WAS: variants seen among roughly 807,000 people sequenced by gnomAD.
WAS encodes WASP actin nucleation promoting factor.
WAS carries 1 observed loss-of-function variant against 38.9 expected under a neutral mutation model. The observed-to-expected ratio is 0.03, with a 90% CI of 0.01 to 0.12. The LOEUF is 0.12. Ranked by LOEUF, WAS falls within the 10% of genes least tolerant of loss-of-function variation. WAS has a pLI of 1.00. For synonymous variants in WAS, 182 were observed against 173.6 expected, an observed-to-expected ratio of 1.05 and a Z score of -0.38; for missense variants, 311 against 431.2, an observed-to-expected ratio of 0.72 and a Z score of 2.47.
rs782596670 is a variant in WAS at position 48,688,927 on chromosome X, C to T, written c.1199C>T (p.Pro400Leu). 2.9e-5 allele frequency: 34 copies of T among 1,158,536 alleles called. No individual in the cohort carries two copies. Among genetic ancestry groups the T allele is most frequent in the South Asian group, 4.0e-5 (2 of 50,563 alleles). The change falls in exon 10 of 12, where the codon CCG (proline) becomes CTG (leucine). Residue 400 changes from proline to leucine, a missense_variant. Physicochemically the swap from Pro to Leu is moderately conservative, Grantham distance 98. Coordinates refer to ENST00000376701, the MANE Select transcript of WAS (RefSeq NM_000377.3). ...CCCATGCCACCACCACCGCCACCACCGCCACCGCCGCCCAGCTCCGGGAAT... is the reference window on the plus strand; with the variant it reads ...CCCATGCCACCACCACCGCCACCACTGCCACCGCCGCCCAGCTCCGGGAAT... Reference protein sequence around the residue: ...GPPMPPPPPPPPPPPSSGNGP... With the variant: ...GPPMPPPPPPLPPPPSSGNGP...
Position 48,685,748 on chromosome X carries a change from G to T in WAS, c.375G>T (p.Gly125=). ...HTFAGDDCQA[G]LNFADEDEAQ... is the part of the protein sequence containing the mutation. ...GGTATGTGCAGGACTGCCAAGCGGGGCTGAACTTTGCAGACGAGGACGAGG... is the reference window on the plus strand; with the variant it reads ...GGTATGTGCAGGACTGCCAAGCGGGTCTGAACTTTGCAGACGAGGACGAGG... Residue 125 remains glycine, a synonymous_variant, in exon 4 of 12, where the codon GGG becomes GGT. Transcript: ENST00000376701. 1.7e-6 allele frequency: 2 copies of T among 1,179,286 alleles called. No homozygotes were observed. Among genetic ancestry groups the T allele is most frequent in the Non-Finnish European group, 2.3e-6 (2 of 878,454 alleles).
Position 48,684,427 on chromosome X carries a change from A to AC in WAS, c.273+11dup, listed in dbSNP as rs58371799. The stretch of plus-strand genomic sequence containing the variant: ...CATCCGCCTTTACGGCCTTCAGGTG[A>AC]CCCCCCCACCCCCGACTGGACTTGC... On this transcript the variant is annotated splice_donor_region_variant and intron_variant, in intron 2 of 11. Transcript: ENST00000376701. 0.016 allele frequency: 19,442 copies of AC among 1,193,093 alleles called. 123 individuals carry two copies. The highest frequency in any genetic ancestry group is 0.032 in the African/African-American group (1,753 of 55,256).
At position 48,691,143 on chromosome X, in the gene WAS, A is replaced by G; in HGVS notation, c.1490A>G (p.Asp497Gly). 2 of 1,210,816 alleles carry G rather than the reference A, an allele frequency of 1.7e-6. No homozygotes were observed. The highest frequency in any genetic ancestry group is 2.2e-6 in the Non-Finnish European group (2 of 895,264). ...GEDQAGDEDE[D>G]DEWDD ...GACCAGGCTGGCGATGAAGATGAAG[A>G]TGATGAATGGGATGACTGAGTGGCT... Residue 497 changes from aspartate to glycine, a missense_variant, in exon 12 of 12, where the codon GAT becomes GGT. Asp to Gly is a moderately conservative substitution (Grantham distance 94, BLOSUM62 -1). Around this residue, in one of 4 missense-constraint regions of WAS, gnomAD observed 142 missense variants for 157.6 expected, o/e 0.90. Coordinates refer to ENST00000376701, the MANE Select transcript of WAS (RefSeq NM_000377.3).
chrX:48,689,868 G>A lies in WAS; in HGVS notation c.1453+434G>A, dbSNP rs140851093. ...TCAAAAAAAGTAGTCAAGCATAGTG[G>A]TGTGTGCCTGTGGTCCCAGCTACTT... On this transcript the variant is annotated intron_variant, in intron 11 of 11. Coordinates refer to ENST00000376701, the MANE Select transcript of WAS (RefSeq NM_000377.3). 4.0e-3 allele frequency among the ~76,000 whole-genome samples: 434 copies of A among 107,988 alleles called. 3 individuals carry two copies. The highest frequency in any genetic ancestry group is 0.014 in the African/African-American group (423 of 29,628). The allele number at this position is 107,988 out of a possible 115,157, so 93.8% of individuals were successfully genotyped here. A position where few individuals can be genotyped will look rare whatever the true frequency, so the allele number is the denominator to read the frequency against.
intron 11 of WAS, 177 bp downstream of exon 11, chrX:48,689,611 A>C: frequency 2.1e-6 from 1 of 467,595 alleles, no homozygotes; most frequent in East Asian, 3.7e-5. Context: ...ATGTGACAAT[A>C]ATATAATTAA....
intron 9 of WAS, 100 bp downstream of exon 9, chrX:48,688,553 T>G (rs964318632): frequency 3.4e-6 from 4 of 1,193,829 alleles, no homozygotes; most frequent in Non-Finnish European, 4.5e-6. Context: ...CCTATACTGC[T>G]TCAGTCAGGA....
rs191999320 is a variant in WAS, at chrX:48,684,499, C to T, written c.273+76C>T. 3 of 1,131,139 alleles carry T rather than the reference C, an allele frequency of 2.7e-6. No homozygotes were observed. The African/African-American group carries it at 5.5e-5, about 21-fold the overall frequency. 93.2% of individuals were successfully genotyped at this position (1,131,139 alleles called of 1,213,427 possible). On this transcript the variant is annotated intron_variant, in intron 2 of 11. Transcript: ENST00000376701. The stretch of plus-strand genomic sequence containing the variant: ...ACCCAGATCTGTGTCCATATGTGTC[C>T]ATAGCTTCAAGACCTCAGACCTGAT...
chrX:48,684,500 A>T (rs1557006374), intron 2 of WAS, 77 bp downstream of exon 2: 1 of 1,129,924 alleles, frequency 8.9e-7, no homozygotes, highest in African/African-American at 1.8e-5. Flanking sequence ...ATATGTGTCC[A>T]TAGCTTCAAG....
upstream of WAS, among the ~76,000 whole-genome samples, chrX:48,682,394 C>T (rs1287489052): frequency 2.7e-5 from 3 of 112,281 alleles, no homozygotes; most frequent in East Asian, 8.4e-4. Flanking sequence ...CACACCTGGC[C>T]TGCCTGGCTC....
At chrX:48,680,231 C>T (rs1004759258), upstream of WAS, among the ~76,000 whole-genome samples, 4 of 111,735 alleles carry the variant, frequency 3.6e-5, no homozygotes, top group Non-Finnish European at 7.5e-5. Flanking sequence ...ATCATCGCCC[C>T]TATTCCTCCT....
At chrX:48,685,469 T>C in intron 2 of WAS, 78 bp from the exon 3 acceptor site, 2 of 753,787 alleles carry the variant, frequency 2.7e-6, no homozygotes, top group Non-Finnish European at 4.0e-6. Flanking sequence ...GACACCCTGC[T>C]CCCTGCCCAG....
intron 1 of WAS, 74 bp downstream of exon 1, chrX:48,684,059 C>T (rs2062411396): frequency 1.7e-6 from 2 of 1,157,336 alleles, no homozygotes; most frequent in Non-Finnish European, 2.4e-6. Flanking sequence ...CTCTCTCTTC[C>T]CCTCCTCCCG....
In WAS at chrX:48,688,673, G is replaced by A. The variant is rs781866378; in HGVS notation, c.945G>A (p.Pro315=). The change falls in exon 10 of 12, where the codon CCG becomes CCA. Residue 315 remains proline (P), a synonymous_variant. Coordinates refer to ENST00000376701, the MANE Select transcript of WAS (RefSeq NM_000377.3). ...CCCCCTCCACAGAGCCACTTCCGCCGCCCCCACCGCCATCTCGAGGAGGGA... is the reference window on the plus strand; with the variant it reads ...CCCCCTCCACAGAGCCACTTCCGCCACCCCCACCGCCATCTCGAGGAGGGA... ...QEMRRQEPLP[P]PPPPSRGGNQ... 1.0e-5 allele frequency: 12 copies of A among 1,200,127 alleles called. No homozygotes were observed. The highest frequency in any genetic ancestry group is 7.1e-5 in the African/African-American group (4 of 56,495).
At position 48,686,792 on chromosome X, in the gene WAS, G is replaced by T; in HGVS notation, c.571G>T (p.Gly191Cys). 1 of 1,211,265 alleles carries T rather than the reference G, an allele frequency of 8.3e-7. No individual in the cohort carries two copies. Among genetic ancestry groups the T allele is most frequent in the Non-Finnish European group, 1.1e-6 (1 of 895,448 alleles). The part of the protein sequence containing the change: ...PGGDQGGPPV[G>C]PLSLGLATVD... ...TATTTTCCCCACAGGCCCTCCAGTG[G>T]GTCCGCTCTCCCTGGGGCTGGCGAC... Residue 191 changes from glycine (G) to cysteine (C), a missense_variant, in exon 7 of 12, where the codon GGT becomes TGT. By Grantham distance (159) the Gly-to-Cys change is radical. Transcript: ENST00000376701.
chrX:48,689,558 C>A, intron 11 of WAS, 124 bp downstream of exon 11: 2 of 576,874 alleles, frequency 3.5e-6, no homozygotes, highest in Non-Finnish European at 5.8e-6. Flanking sequence ...TAACATGAAT[C>A]TTGTGTCAGC....
At chrX:48,677,515 A>C (rs987267249) in intron 1 of WAS, among the ~76,000 whole-genome samples, 1 of 112,000 alleles carries the variant, frequency 8.9e-6, no homozygotes, top group African/African-American at 3.2e-5. Context: ...TACTATTATC[A>C]TCTTCGCGTT....
upstream of WAS, among the ~76,000 whole-genome samples, chrX:48,682,044 C>T (rs1377535864): frequency 2.7e-5 from 3 of 111,950 alleles, no homozygotes; most frequent in African/African-American, 9.7e-5. Context: ...CTGGGGAGGC[C>T]GGGGACTGAG....
rs375356111 is a variant in WAS, at chrX:48,688,928, G to A, written c.1200G>A (p.Pro400=). The change falls in exon 10 of 12, where the codon CCG becomes CCA. Residue 400 remains proline, a synonymous_variant. Transcript: ENST00000376701. ...CCATGCCACCACCACCGCCACCACC[G>A]CCACCGCCGCCCAGCTCCGGGAATG... ...GPPMPPPPPP[P]PPPPSSGNGP... is the part of the protein sequence containing the mutation. 631 of 1,060,812 alleles carry A rather than the reference G, an allele frequency of 5.9e-4. No individual in the cohort carries two copies. Among genetic ancestry groups the A allele is most frequent in the Non-Finnish European group, 7.4e-4 (599 of 809,550 alleles). The allele number at this position is 1,060,812 out of a possible 1,213,427, so 87.4% of individuals were successfully genotyped here.
Position 48,683,910 on chromosome X carries a change from G to C in WAS, c.57G>C (p.Gln19His). 1 of 1,211,746 alleles carries C rather than the reference G, an allele frequency of 8.3e-7. No homozygotes were observed. Among genetic ancestry groups the C allele is most frequent in the South Asian group, 1.8e-5 (1 of 57,016 alleles). ...GGGGCCGAGGAGCACCAGCGGTTCA[G>C]CAGAACATACCCTCCACCCTCCTCC... is the stretch of plus-strand genomic sequence containing the variant. The part of the protein sequence containing the change: ...RPGGRGAPAV[Q>H]QNIPSTLLQD... Residue 19 changes from glutamine (Q) to histidine (H), a missense_variant, in exon 1 of 12, where the codon CAG (glutamine) becomes CAC (histidine). Gln to His is a conservative substitution (Grantham distance 24). This residue lies in a region of WAS where 64 missense variants were observed against 122.5 expected (regional missense o/e 0.52). Coordinates refer to ENST00000376701, the MANE Select transcript of WAS (RefSeq NM_000377.3).
Sources: gnomAD v4.1 joint callset for allele counts (sites outside exome capture counted in the v4.1 genomes callset) on GRCh38, gnomAD v4.1.1 for gene constraint, gnomAD v4.1.1 regional missense constraint, MANE v1.5 for transcripts, NCBI Gene and HGNC (gene_info 2026-07-23, HGNC 2026-07-21) for gene names.